Variants in NBPF11 observed in about 807,000 individuals in gnomAD.
The protein encoded by NBPF11 is NBPF member 11.
Under a neutral mutation model 93.9 loss-of-function variants are expected in NBPF11, and 72 were observed. That is an observed-to-expected ratio of 0.77 (90% CI 0.63 to 0.93). NBPF11 has a LOEUF of 0.93. Ranked by LOEUF, NBPF11 falls within the 40% of genes least tolerant of loss-of-function variation. The pLI, the probability that NBPF11 is intolerant of heterozygous loss-of-function variation, is 0.00. For synonymous variants in NBPF11, 224 were observed against 304.9 expected (o/e 0.73, Z 2.76); for missense variants, 705 against 802.2 (o/e 0.88, Z 1.46).
rs1279748403 is a variant in NBPF11, at chr1:148,129,207, TAC to T, written c.-35-2171_-35-2170del. On this transcript the variant is annotated intron_variant, in intron 4 of 23. Transcript: ENST00000682118. ...TATACACGTATATATAAAATATATATACACACACGAATATATATTATATATAC... is the reference window on the plus strand; with the variant it reads ...TATACACGTATATATAAAATATATATACACACGAATATATATTATATATAC... Among the ~76,000 whole-genome samples, 108 of 146,846 alleles carry T rather than the reference TAC, an allele frequency of 7.4e-4. 1 individual carries two copies. The East Asian group carries it at 0.018, about 25-fold the overall frequency.
At chr1:148,148,396 G>C (rs1362675617) in intron 1 of NBPF11, among the ~76,000 whole-genome samples, 1 of 152,154 alleles carries the variant, frequency 6.6e-6, no homozygotes, top group Admixed American at 6.5e-5. Context: ...TGGGTCCCGC[G>C]TGCTTGGGAC....
In NBPF11 at chr1:148,106,467, C is replaced by T. The variant is rs1663642387; in HGVS notation, c.2252-235G>A. On this transcript the variant is annotated intron_variant, in intron 20 of 23. Coordinates refer to ENST00000682118, the MANE Select transcript of NBPF11 (RefSeq NM_001385469.3). ...GATCGTTATCCCAAAATCATTTATC[C>T]CAAGTTTGTGCAAACAGTTATGCCT... is the stretch of plus-strand genomic sequence containing the variant. 4.2e-5 allele frequency among the ~76,000 whole-genome samples: 6 copies of T among 143,114 alleles called. No individual in the cohort carries two copies. The South Asian group carries it at 1.3e-3, about 32-fold the overall frequency. 93.9% of individuals were successfully genotyped at this position (143,114 alleles called of 152,430 possible).
intron 1 of NBPF11, among the ~76,000 whole-genome samples, chr1:148,147,878 C>A (rs1339868213): frequency 1.3e-5 from 2 of 152,048 alleles, no homozygotes; most frequent in African/African-American, 4.8e-5. Context: ...TCACACCTGC[C>A]ATGGCCAGCT....
intron 4 of NBPF11, among the ~76,000 whole-genome samples, chr1:148,129,329 CTTT>C (rs1185323093): frequency 1.4e-5 from 2 of 142,424 alleles, no homozygotes; most frequent in African/African-American, 2.6e-5. Flanking sequence ...TATATTTTTT[CTTT>C]TTTAAGTGGC....
chr1:148,149,163 A>G (rs1571502858), intron 1 of NBPF11: 4 of 1,589,124 alleles, frequency 2.5e-6, no homozygotes, highest in African/African-American at 1.4e-5. Context: ...GCCGCCAGGT[A>G]CGGCATCAGC....
chr1:148,110,223 C>T (rs1289533251), intron 16 of NBPF11, among the ~76,000 whole-genome samples, 155 bp downstream of exon 16: 1 of 151,780 alleles, frequency 6.6e-6, no homozygotes, highest in African/African-American at 2.4e-5. Flanking sequence ...GTGCTTCAGA[C>T]TCGACTCCAG....
chr1:148,121,268 T>C (rs1418408098), intron 9 of NBPF11, among the ~76,000 whole-genome samples: 5 of 151,756 alleles, frequency 3.3e-5, no homozygotes, highest in Middle Eastern at 6.8e-3. Context: ...GGTTTCGAAC[T>C]CCTGAGCTCA....
chr1:148,132,410 C>A (rs1372352865), intron 4 of NBPF11, among the ~76,000 whole-genome samples: 1 of 146,512 alleles, frequency 6.8e-6, no homozygotes, highest in African/African-American at 2.5e-5. Flanking sequence ...TAGAGTAATT[C>A]TGGAAATAGG....
chr1:148,121,292 C>G (rs1316816906), intron 9 of NBPF11, among the ~76,000 whole-genome samples: 3 of 151,434 alleles, frequency 2.0e-5, no homozygotes, highest in Non-Finnish European at 4.4e-5. Flanking sequence ...GTTCCGCCCA[C>G]CTTGGCCTCT....
At chr1:148,129,740 T>C (rs4950274) in intron 4 of NBPF11, 1 of 182,164 alleles carries the variant, frequency 5.5e-6, no homozygotes, top group Non-Finnish European at 1.2e-5. Flanking sequence ...CACGGATCTT[T>C]GTATGAAGAG....
chr1:148,103,943 C>A, intron 23 of NBPF11, 31 bp from the exon 24 acceptor site: 2 of 1,610,280 alleles, frequency 1.2e-6, no homozygotes, highest in South Asian at 2.2e-5. Context: ...AAAGAAGCAG[C>A]CAGGGAAAAT....
At chr1:148,124,669 C>A (rs1553272474) in intron 6 of NBPF11, among the ~76,000 whole-genome samples, 12 of 150,834 alleles carry the variant, frequency 8.0e-5, no homozygotes, top group Admixed American at 2.6e-4. Flanking sequence ...TAAGTTTCAC[C>A]TCAACAATTA....
intron 1 of NBPF11, among the ~76,000 whole-genome samples, chr1:148,150,205 G>A (rs1647939405): frequency 6.9e-6 from 1 of 145,444 alleles, no homozygotes; most frequent in Non-Finnish European, 1.5e-5. Context: ...AGGCCAGAGT[G>A]CACTGGCACG....
intron 2 of NBPF11, among the ~76,000 whole-genome samples, chr1:148,141,671 C>T (rs1289696670): frequency 6.6e-6 from 1 of 151,788 alleles, no homozygotes; most frequent in South Asian, 2.1e-4. Context: ...GCAGAAGCAG[C>T]CTCAGTCATC....
intron 2 of NBPF11, among the ~76,000 whole-genome samples, chr1:148,140,511 C>A (rs1672001218): frequency 2.0e-5 from 3 of 147,152 alleles, no homozygotes; most frequent in Admixed American, 2.0e-4. Flanking sequence ...AAAATACTTA[C>A]AAAATAATCT....
intron 1 of NBPF11, among the ~76,000 whole-genome samples, chr1:148,146,149 G>T (rs1405238988): frequency 6.6e-6 from 1 of 151,692 alleles, no homozygotes; most frequent in Admixed American, 6.6e-5. Context: ...GGGGGCGCGG[G>T]CCGGGGTGGG....
intron 2 of NBPF11, among the ~76,000 whole-genome samples, chr1:148,138,221 C>T (rs1671648822): frequency 6.6e-6 from 1 of 151,098 alleles, no homozygotes; most frequent in African/African-American, 2.5e-5. Context: ...ACCTCCAGTC[C>T]TAAGGCGGTT....
At chr1:148,121,784 G>C (rs1667930112) in intron 9 of NBPF11, among the ~76,000 whole-genome samples, 1 of 151,970 alleles carries the variant, frequency 6.6e-6, no homozygotes, top group African/African-American at 2.4e-5. Flanking sequence ...TGGGACTATA[G>C]GCGGGCAGCA....
At chr1:148,144,032 G>T (rs1338146987) in intron 1 of NBPF11, among the ~76,000 whole-genome samples, 1 of 151,560 alleles carries the variant, frequency 6.6e-6, no homozygotes, top group Non-Finnish European at 1.5e-5. Context: ...ACTCCAGCCT[G>T]GGGGGAAAAA....
Sources: allele counts gnomAD v4.1 joint callset (sites outside exome capture counted in the v4.1 genomes callset), GRCh38; gene constraint gnomAD v4.1.1; transcripts MANE v1.5; gene names NCBI Gene and HGNC (gene_info 2026-07-23, HGNC 2026-07-21).